The following NAV2 variants were observed in gnomAD, a reference collection of about 807,000 sequenced individuals.
NAV2 encodes neuron navigator 2.
In NAV2, 54 loss-of-function variants were observed where a neutral mutation model predicts 223.2. The ratio of observed to expected loss-of-function variants is 0.24; its 90% confidence interval spans 0.19 to 0.30. The LOEUF (loss-of-function observed/expected upper bound fraction) is 0.30, where lower values mean the gene tolerates loss of function less well. Ranked by LOEUF, NAV2 falls within the 10% of genes least tolerant of loss-of-function variation. NAV2 has a pLI of 1.00. For synonymous variants in NAV2, 1,279 were observed against 1,239.3 expected (o/e 1.03, Z -0.67); for missense variants, 2,806 against 3,147.5 (o/e 0.89, Z 2.60).
At chr11:19,570,067 A>G (rs1252306498) in intron 1 of NAV2, among the ~76,000 whole-genome samples, 7 of 152,156 alleles carry the variant, frequency 4.6e-5, no homozygotes, top group Non-Finnish European at 1.0e-4. Flanking sequence ...TTTTGGGGCC[A>G]GCATTTTGTT....
intron 1 of NAV2, among the ~76,000 whole-genome samples, chr11:19,416,294 A>C (rs1464761548): frequency 6.6e-6 from 1 of 152,212 alleles, no homozygotes; most frequent in Non-Finnish European, 1.5e-5. Context: ...ATTCCTATAC[A>C]CCAATAATAG....
chr11:19,595,687 G>C (rs1029202927), intron 1 of NAV2, among the ~76,000 whole-genome samples: 1 of 151,340 alleles, frequency 6.6e-6, no homozygotes, highest in African/African-American at 2.4e-5. Flanking sequence ...CTCCCGAGTA[G>C]CTGGGACCAC....
At chr11:20,075,451 C>T (rs1251896029) in intron 22 of NAV2, among the ~76,000 whole-genome samples, 1 of 152,052 alleles carries the variant, frequency 6.6e-6, no homozygotes, top group Non-Finnish European at 1.5e-5. Flanking sequence ...CCGTGTTAGC[C>T]AGGATAGTCT....
intron 1 of NAV2, among the ~76,000 whole-genome samples, chr11:19,648,324 C>A (rs1262991653): frequency 1.3e-5 from 2 of 152,188 alleles, no homozygotes; most frequent in Non-Finnish European, 2.9e-5. Context: ...TCTTCCCCTG[C>A]CACATTCAGT....
At chr11:19,832,871 G>T (rs111607587) in intron 2 of NAV2, among the ~76,000 whole-genome samples, 3 of 152,290 alleles carry the variant, frequency 2.0e-5, no homozygotes, top group African/African-American at 7.2e-5. Context: ...GTGGTTTGGG[G>T]AAGATGTGTT....
intron 1 of NAV2, among the ~76,000 whole-genome samples, chr11:19,777,273 C>A (rs1408650294): frequency 6.6e-6 from 1 of 151,512 alleles, no homozygotes; most frequent in Non-Finnish European, 1.5e-5. Flanking sequence ...GGTAGGGTCC[C>A]CGCGCGCAGC....
At chr11:19,555,977 C>T (rs1008293770) in intron 1 of NAV2, among the ~76,000 whole-genome samples, 1 of 152,068 alleles carries the variant, frequency 6.6e-6, no homozygotes, top group Non-Finnish European at 1.5e-5. Flanking sequence ...CCCTACAGAC[C>T]CTGCCCTCCC....
intron 1 of NAV2, among the ~76,000 whole-genome samples, chr11:19,445,206 G>C (rs1214172782): frequency 6.6e-6 from 1 of 152,154 alleles, no homozygotes; most frequent in Non-Finnish European, 1.5e-5. Context: ...AATAAGGAAT[G>C]TGGTCCTGAA....
At chr11:19,470,312 A>T in intron 1 of NAV2, among the ~76,000 whole-genome samples, 1 of 152,202 alleles carries the variant, frequency 6.6e-6, no homozygotes, top group East Asian at 1.9e-4. Flanking sequence ...ATTGGAGAGG[A>T]CTTAATCAAG....
chr11:20,076,630 A>G (rs1228707474), intron 22 of NAV2, among the ~76,000 whole-genome samples: 2 of 152,212 alleles, frequency 1.3e-5, no homozygotes, highest in African/African-American at 4.8e-5. Flanking sequence ...CAACTAATAT[A>G]TCACCTACTA....
intron 1 of NAV2, among the ~76,000 whole-genome samples, chr11:19,410,952 CA>C (rs1850119237): frequency 6.6e-6 from 1 of 152,168 alleles, no homozygotes. Context: ...GTCTGAAATA[CA>C]GGGAACCCAT....
chr11:19,519,321 G>T (rs144090486), intron 1 of NAV2, among the ~76,000 whole-genome samples: 287 of 152,232 alleles, frequency 1.9e-3, no homozygotes, highest in Non-Finnish European at 3.2e-3. Context: ...CCTTCATGCA[G>T]CATGGGCTCT....
chr11:19,795,598 C>T (rs923980170), intron 1 of NAV2, among the ~76,000 whole-genome samples: 2 of 152,116 alleles, frequency 1.3e-5, no homozygotes, highest in Admixed American at 1.3e-4. Context: ...GTTTGTGAAA[C>T]AGAGATTTAT....
At chr11:19,897,819 T>A (rs560929055) in intron 6 of NAV2, among the ~76,000 whole-genome samples, 4 of 149,974 alleles carry the variant, frequency 2.7e-5, no homozygotes, top group South Asian at 4.3e-4. Flanking sequence ...ATGGTTAGAT[T>A]TGCCTTTGAT....
intron 3 of NAV2, among the ~76,000 whole-genome samples, chr11:19,859,087 A>G (rs1335998907): frequency 6.6e-6 from 1 of 150,862 alleles, no homozygotes; most frequent in African/African-American, 2.4e-5. Context: ...TCTTGTGGGC[A>G]TCTGTCAGGG....
rs542283810 is a variant in NAV2, at chr11:20,065,040, A to G, written c.4884+2681A>G. Among the ~76,000 whole-genome samples the G allele has an allele frequency of 3.2e-4, 49 of 152,324 alleles. 2 individuals are homozygous for G. In the South Asian group the frequency reaches 5.6e-3, roughly 17 times the overall value. On this transcript the variant is annotated intron_variant, in intron 20 of 37. Transcript: ENST00000349880. ...TAGGTTGCTTTTGCAGACTTAAAAA[A>G]AAATAGCCTATCAGTGGAATGTTTT...
In NAV2 at chr11:20,078,063, C is replaced by T. The variant is rs756206179; in HGVS notation, c.5138C>T (p.Ala1713Val). 1.2e-6 allele frequency: 2 copies of T among 1,613,328 alleles called. No individual in the cohort carries two copies. Among genetic ancestry groups the T allele is most frequent in the African/African-American group, 2.7e-5 (2 of 74,996 alleles). Residue 1713 changes from alanine to valine, a missense_variant, in exon 24 of 38, where the codon GCC becomes GTC. Coordinates refer to ENST00000349880, the MANE Select transcript of NAV2 (RefSeq NM_145117.5). The stretch of plus-strand genomic sequence containing the variant: ...AAACAGAACGCAGCTGCCCAGGCTG[C>T]CATTAATGGAGTAATTAACACACCT... Reference protein sequence around the residue: ...LKKQNAAAQAAINGVINTPEL... With the variant: ...LKKQNAAAQAVINGVINTPEL...
intron 1 of NAV2, among the ~76,000 whole-genome samples, chr11:19,533,554 C>A (rs1232912643): frequency 1.3e-5 from 2 of 152,120 alleles, no homozygotes; most frequent in Non-Finnish European, 2.9e-5. Flanking sequence ...CTGGGTGAAA[C>A]CCCAATGAAA....
At chr11:19,809,784 C>T (rs1401028672) in intron 1 of NAV2, among the ~76,000 whole-genome samples, 5 of 112,420 alleles carry the variant, frequency 4.4e-5, no homozygotes, top group African/African-American at 1.3e-4. Flanking sequence ...TGGACATCAT[C>T]GCTATTGCCC....
Sources: gnomAD v4.1 joint callset for allele counts (sites outside exome capture counted in the v4.1 genomes callset) on GRCh38, gnomAD v4.1.1 for gene constraint, MANE v1.5 for transcripts, NCBI Gene and HGNC (gene_info 2026-07-23, HGNC 2026-07-21) for gene names.